Variants in ENKUR observed in about 807,000 individuals in gnomAD.
ENKUR encodes the protein enkurin, TRPC channel interacting protein.
In ENKUR, 19 loss-of-function variants were observed where a neutral mutation model predicts 27.6. That is an observed-to-expected ratio of 0.69 (90% CI 0.48 to 1.01). The LOEUF is 1.01. ENKUR is among the 50% of genes least tolerant of loss of function. The pLI, the probability that ENKUR is intolerant of heterozygous loss-of-function variation, is 0.00. For missense variants in ENKUR, 312 were observed against 310.5 expected (o/e 1.00, Z -0.04); for synonymous variants, 117 against 96.9 (o/e 1.21, Z -1.22).
chr10:25,047,006 G>A (rs535776673), intron 2 of ENKUR, among the ~76,000 whole-genome samples: 22 of 152,236 alleles, frequency 1.4e-4, no homozygotes, highest in African/African-American at 4.8e-4. Context: ...CCAAACCTGT[G>A]GACTCTTACT....
intron 2 of ENKUR, among the ~76,000 whole-genome samples, chr10:25,052,009 A>G (rs1055201911): frequency 5.3e-5 from 8 of 152,240 alleles, no homozygotes; most frequent in African/African-American, 1.9e-4. Flanking sequence ...TAATAGAAAA[A>G]AATTCACATT....
chr10:25,042,828 T>A (rs1382627318), intron 2 of ENKUR, among the ~76,000 whole-genome samples: 1 of 149,910 alleles, frequency 6.7e-6, no homozygotes, highest in Non-Finnish European at 1.5e-5. Context: ...CTAGTGTGGG[T>A]GACAGAGTGA....
rs1277454692 is a variant in ENKUR, at chr10:25,042,763, G to C, written c.37+18349C>G. 8.5e-5 allele frequency among the ~76,000 whole-genome samples: 13 copies of C among 152,060 alleles called. No individual in the cohort carries two copies. In the East Asian group the frequency reaches 1.7e-3, roughly 20 times the overall value. ...CAGCGTTTTGGGAAGTTGGGGGTGG[G>C]AGGATTGCTTAAGCCCAGGAGTTCA... On this transcript the variant is annotated intron_variant, in intron 2 of 5. Coordinates refer to the ENKUR transcript ENST00000615958.
At chr10:25,014,373 T>C (rs953868795) in intron 1 of ENKUR, among the ~76,000 whole-genome samples, 1 of 152,182 alleles carries the variant, frequency 6.6e-6, no homozygotes, top group Non-Finnish European at 1.5e-5. Context: ...ATCTTTCTTC[T>C]ACTCATTTCT....
At chr10:25,038,477 T>A (rs1286801174) in intron 2 of ENKUR, among the ~76,000 whole-genome samples, 1 of 152,234 alleles carries the variant, frequency 6.6e-6, no homozygotes, top group Non-Finnish European at 1.5e-5. Context: ...ATCCTTCTTG[T>A]CTATACAGAC....
At chr10:25,055,178 G>C (rs1210998837) in intron 2 of ENKUR, among the ~76,000 whole-genome samples, 1 of 152,040 alleles carries the variant, frequency 6.6e-6, no homozygotes, top group Non-Finnish European at 1.5e-5. Context: ...ATCAGGGATG[G>C]CCCTTCCTTC....
chr10:25,055,545 C>CA (rs142864120), intron 2 of ENKUR, among the ~76,000 whole-genome samples: 7,486 of 93,302 alleles, frequency 0.08, 219 homozygotes, highest in Non-Finnish European at 0.1. Context: ...AACAAATTGG[C>CA]AAAAAAAAAA....
chr10:25,017,231 T>C (rs1422552765), upstream of ENKUR, among the ~76,000 whole-genome samples: 2 of 152,162 alleles, frequency 1.3e-5, no homozygotes, highest in Admixed American at 6.5e-5. Context: ...TGTTGGAAAA[T>C]TGTCTTCTGA....
Position 24,999,482 on chromosome 10 carries a change from T to A in ENKUR, c.142A>T (p.Thr48Ser). The part of the protein sequence containing the change: ...DMQKAKTAMK[T>S]MGPAKVEVPS... ...ACTTCAACTTTTGCTGGTCCCATAG[T>A]TTTCATTGCAGTTTTAGCTTTTTGC... The change falls in exon 2 of 6, where the codon ACT becomes TCT. Residue 48 changes from threonine (T) to serine (S), a missense_variant. Coordinates refer to ENST00000331161, the MANE Select transcript of ENKUR (RefSeq NM_145010.4). 6.2e-7 allele frequency: 1 copy of A among 1,613,330 alleles called. No homozygotes were observed. Among genetic ancestry groups the A allele is most frequent in the Non-Finnish European group, 8.5e-7 (1 of 1,179,702 alleles).
At chr10:25,061,299 T>C in exon 2 of ENKUR, 1 of 688,136 alleles carries the variant, frequency 1.5e-6, no homozygotes, top group South Asian at 1.8e-5. Context: ...TCCCAGGCTT[T>C]CTTGTGCCGC....
chr10:25,002,869 A>C (rs1349250392), intron 1 of ENKUR, among the ~76,000 whole-genome samples: 1 of 152,102 alleles, frequency 6.6e-6, no homozygotes, highest in Non-Finnish European at 1.5e-5. Context: ...TGCCCACAGA[A>C]GTTGGGGCTG....
At chr10:25,016,820 C>G (rs1850594397), upstream of ENKUR, 1 of 152,588 alleles carries the variant, frequency 6.6e-6, no homozygotes, top group Admixed American at 6.5e-5. Context: ...GGAAGGAAAA[C>G]TAGAAGCCAG....
upstream of ENKUR, among the ~76,000 whole-genome samples, chr10:25,020,188 ATAATAT>A (rs1162462857): frequency 2.6e-5 from 4 of 151,678 alleles, no homozygotes; most frequent in East Asian, 3.9e-4. Context: ...TTTGTGGGAA[ATAATAT>A]TGATACAGAA....
At chr10:25,061,154 G>GTGAAGCATGAGA in exon 2 of ENKUR, 1 of 1,536,062 alleles carries the variant, frequency 6.5e-7, no homozygotes, top group African/African-American at 1.4e-5. Flanking sequence ...TTCATGCTCC[G>GTGAAGCATGAGA]TGGTGAACAA....
At chr10:25,023,610 T>G (rs1850769198) in intron 2 of ENKUR, 2 of 1,614,042 alleles carry the variant, frequency 1.2e-6, no homozygotes, top group African/African-American at 2.7e-5. Flanking sequence ...GAAGTGTGAT[T>G]TCCCTTACTG....
chr10:25,016,730 C>T (rs115938923), upstream of ENKUR: 2,666 of 152,450 alleles, frequency 0.017, 84 homozygotes, highest in African/African-American at 0.061. Context: ...TTTAGCGGCT[C>T]GTGGACACTG....
Position 25,060,910 on chromosome 10 carries a change from C to T in ENKUR, c.37+202G>A, listed in dbSNP as rs186256149. Among the ~76,000 whole-genome samples, 290 of 151,898 alleles carry T rather than the reference C, an allele frequency of 1.9e-3. 1 individual carries two copies. Among genetic ancestry groups the T allele is most frequent in the African/African-American group, 6.8e-3 (280 of 41,438 alleles). On this transcript the variant is annotated intron_variant, in intron 2 of 5. Transcript: ENST00000615958. Reference sequence around the variant, plus strand: ...TTTTTTTTTTTTAGAGACAAGATCTCACCATGTTTCCCAGGCTGGTCTTGA... The same window carrying T: ...TTTTTTTTTTTTAGAGACAAGATCTTACCATGTTTCCCAGGCTGGTCTTGA...
In ENKUR at chr10:24,990,541, A is replaced by G. The variant is rs746524151; in HGVS notation, c.516T>C (p.Tyr172=). 6.8e-6 allele frequency: 11 copies of G among 1,613,956 alleles called. No homozygotes were observed. The highest frequency in any genetic ancestry group is 1.1e-5 in the South Asian group (1 of 91,044). The change falls in exon 4 of 6, where the codon TAT becomes TAC. Residue 172 remains tyrosine (Y), a synonymous_variant. Transcript: ENST00000331161. ...TAAGGTTTTCCTGGATATAACGATC[A>G]TAGTCTTCTTGGGCTTTCTTTATTT... ...NEEIKKAQED[Y]DRYIQENLKK...
At chr10:24,999,664 G>T in intron 1 of ENKUR, 118 bp from the exon 2 acceptor site, 2 of 944,970 alleles carry the variant, frequency 2.1e-6, no homozygotes, top group Non-Finnish European at 3.1e-6. Flanking sequence ...GTATGGAAAA[G>T]CATAATCATA....
Sources: allele counts gnomAD v4.1 joint callset (sites outside exome capture counted in the v4.1 genomes callset), GRCh38; gene constraint gnomAD v4.1.1; transcripts MANE v1.5; gene names NCBI Gene and HGNC (gene_info 2026-07-23, HGNC 2026-07-21).